SCRG1: variants seen among roughly 807,000 people sequenced by gnomAD.
SCRG1 encodes scrapie-responsive protein 1.
Under a neutral mutation model 7.7 loss-of-function variants are expected in SCRG1, and 3 were observed. The ratio of observed to expected loss-of-function variants is 0.39; its 90% CI spans 0.18 to 1.01. SCRG1 has a LOEUF of 1.01. Among genes scored for constraint, SCRG1 ranks in the 50% least tolerant of loss-of-function variants. The pLI is 0.36. For synonymous variants in SCRG1, 46 were observed against 41.2 expected (o/e 1.12, Z -0.44); for missense variants, 110 against 117.2 (o/e 0.94, Z 0.28).
the SCRG1 span, among the ~76,000 whole-genome samples, chr4:173,467,286 T>C: frequency 6.6e-6 from 1 of 152,180 alleles, no homozygotes; most frequent in Admixed American, 6.6e-5. Flanking sequence ...CATCTAGCTT[T>C]TTGGGATTGG....
the SCRG1 span, among the ~76,000 whole-genome samples, chr4:173,460,234 C>T: frequency 6.6e-6 from 1 of 152,154 alleles, no homozygotes; most frequent in Non-Finnish European, 1.5e-5. Context: ...GCCAAGACGC[C>T]ACCCCTGCCC....
Position 173,386,142 on chromosome 4 carries a change from T to G in SCRG1, c.*2199A>C, listed in dbSNP as rs919414795. On this transcript the variant is annotated 3_prime_UTR_variant, in exon 3 of 3. Transcript: ENST00000296506. Reference sequence around the variant, plus strand: ...GTTCTGACTTGTGTTTATATACACTTTTTTTTTGGGGGGACGGAGTCTCAC... The same window carrying G: ...GTTCTGACTTGTGTTTATATACACTGTTTTTTTGGGGGGACGGAGTCTCAC... 4 of 151,878 alleles carry G rather than the reference T, an allele frequency of 2.6e-5. No individual in the cohort carries two copies. The highest frequency in any genetic ancestry group is 9.7e-5 in the African/African-American group (4 of 41,348). 9.4% of individuals were successfully genotyped at this position (151,878 alleles called of 1,614,324 possible).
the SCRG1 span, among the ~76,000 whole-genome samples, chr4:173,427,091 C>T: frequency 6.6e-6 from 1 of 152,188 alleles, no homozygotes; most frequent in Non-Finnish European, 1.5e-5. Context: ...GGGCCAGGCA[C>T]TGCCTAGTAA....
chr4:173,425,369 C>A, the SCRG1 span, among the ~76,000 whole-genome samples: 1 of 152,194 alleles, frequency 6.6e-6, no homozygotes, highest in African/African-American at 2.4e-5. Context: ...TCACTGTATG[C>A]TTTTCTTGAC....
the SCRG1 span, among the ~76,000 whole-genome samples, chr4:173,515,341 T>C: frequency 5.3e-5 from 8 of 151,658 alleles, no homozygotes; most frequent in African/African-American, 1.5e-4. This position sits in a 1 kb window ranked among gnomAD's most constrained non-coding sequence, Gnocchi z 4.6. Context: ...TGAGCAGAGG[T>C]CACTTAGAAC....
Position 173,391,399 on chromosome 4 carries a change from G to A in SCRG1, c.16C>T (p.Leu6Phe), listed in dbSNP as rs1244954390. ...AAAGTTAGCCCAATGGTGAAAACAA[G>A]TACCATCAGTTTCATTTTGGCTTTT... MKLMVLVFTIGLTLLL... is the reference protein window; with the variant it reads MKLMVFVFTIGLTLLL... The change falls in exon 2 of 3, where the codon CTT (leucine) becomes TTT (phenylalanine). Residue 6 changes from leucine to phenylalanine, a missense_variant. Transcript: ENST00000296506. The A allele has an allele frequency of 6.2e-7, 1 of 1,614,174 alleles. No individual in the cohort carries two copies. Among genetic ancestry groups the A allele is most frequent in the East Asian group, 2.2e-5 (1 of 44,870 alleles).
chr4:173,517,775 C>T, the SCRG1 span, among the ~76,000 whole-genome samples: 5 of 152,234 alleles, frequency 3.3e-5, no homozygotes, highest in Non-Finnish European at 7.3e-5. Context: ...CTAAGAGTAA[C>T]AGGCGTAGCC....
At chr4:173,395,746 A>G (rs931033703) in intron 1 of SCRG1, among the ~76,000 whole-genome samples, 1 of 152,244 alleles carries the variant, frequency 6.6e-6, no homozygotes, top group Non-Finnish European at 1.5e-5. Flanking sequence ...CAGCATTTTT[A>G]TAAGCTGGTT....
At chr4:173,423,655 T>A in the SCRG1 span, among the ~76,000 whole-genome samples, 1 of 151,620 alleles carries the variant, frequency 6.6e-6, no homozygotes, top group South Asian at 2.1e-4. Context: ...TGGTCTTTTA[T>A]CTCTTTTTTT....
chr4:173,395,408 T>C (rs1217928003), intron 1 of SCRG1, among the ~76,000 whole-genome samples: 1 of 152,254 alleles, frequency 6.6e-6, no homozygotes. Context: ...TATATGGACT[T>C]CTTGGGCTAA....
chr4:173,461,170 G>T, the SCRG1 span, among the ~76,000 whole-genome samples: 32 of 152,252 alleles, frequency 2.1e-4, no homozygotes, highest in African/African-American at 7.5e-4. Flanking sequence ...GAAGAACACA[G>T]GCCTGGCTGG....
At chr4:173,486,981 T>C in the SCRG1 span, among the ~76,000 whole-genome samples, 6 of 152,166 alleles carry the variant, frequency 3.9e-5, no homozygotes, top group Admixed American at 3.9e-4. Context: ...TTCTGAAAGA[T>C]GAAATTATCA....
At position 173,386,271 on chromosome 4, in the gene SCRG1, A is replaced by G. The variant is rs965525527; in HGVS notation, c.*2070T>C. ...TGCCTCAGCCTCCCAAATAGCTGGG[A>G]CTAGAGGCGCCTGCCACCACGCCCA... On this transcript the variant is annotated 3_prime_UTR_variant, in exon 3 of 3. Coordinates refer to ENST00000296506, the MANE Select transcript of SCRG1 (RefSeq NM_007281.4). The G allele has an allele frequency of 6.6e-6, 1 of 151,126 alleles. No individual in the cohort carries two copies. The highest frequency in any genetic ancestry group is 1.5e-5 in the Non-Finnish European group (1 of 68,798). The allele number at this position is 151,126 out of a possible 1,614,324, so 9.4% of individuals were successfully genotyped here.
chr4:173,476,545 A>G, the SCRG1 span, among the ~76,000 whole-genome samples: 3 of 151,820 alleles, frequency 2.0e-5, no homozygotes, highest in African/African-American at 7.3e-5. Context: ...CCACCCCAGA[A>G]TTCACAGGTA....
chr4:173,412,390 T>A, the SCRG1 span, among the ~76,000 whole-genome samples: 1 of 152,190 alleles, frequency 6.6e-6, no homozygotes, highest in Non-Finnish European at 1.5e-5. Context: ...TATCTCATGA[T>A]CCCTACCATT....
At chr4:173,486,519 TC>T in the SCRG1 span, among the ~76,000 whole-genome samples, 1 of 152,166 alleles carries the variant, frequency 6.6e-6, no homozygotes. Flanking sequence ...GATTTTTTTT[TC>T]CATGCTTGTT....
At chr4:173,446,181 A>G in the SCRG1 span, among the ~76,000 whole-genome samples, 1 of 152,260 alleles carries the variant, frequency 6.6e-6, no homozygotes, top group African/African-American at 2.4e-5. Flanking sequence ...TATTTTCTTT[A>G]TGATGACCCT....
chr4:173,484,683 T>TATATTATATATTATATGCATATAATAC, the SCRG1 span, among the ~76,000 whole-genome samples: 6,183 of 49,874 alleles, frequency 0.12, 2,118 homozygotes, highest in Non-Finnish European at 0.17. Context: ...ATGTATAATA[T>TATATTATATATTATATGCATATAATAC]ATATTATATA....
the SCRG1 span, among the ~76,000 whole-genome samples, chr4:173,441,260 T>C: frequency 6.6e-6 from 1 of 152,132 alleles, no homozygotes; most frequent in Non-Finnish European, 1.5e-5. Context: ...CACACAAAAT[T>C]TTATTGTGTC....
Sources: allele counts gnomAD v4.1 joint callset (sites outside exome capture counted in the v4.1 genomes callset), GRCh38; gene constraint gnomAD v4.1.1; non-coding constraint Gnocchi (gnomAD v3.1); transcripts MANE v1.5; gene names NCBI Gene and HGNC (gene_info 2026-07-23, HGNC 2026-07-21).